CFAP54: variants seen among roughly 807,000 people sequenced by gnomAD.
The protein encoded by CFAP54 is cilia- and flagella-associated protein 54.
Under a neutral mutation model 370.4 loss-of-function variants are expected in CFAP54, and 290 were observed. The observed-to-expected ratio is 0.78, with a 90% confidence interval of 0.71 to 0.86. The LOEUF is 0.86. Among genes scored for constraint, CFAP54 ranks in the 40% least tolerant of loss-of-function variants. The pLI, the probability that CFAP54 is intolerant of heterozygous loss-of-function variation, is 0.00. For missense variants in CFAP54, 3,399 were observed against 3,528.7 expected, an observed-to-expected ratio of 0.96 and a Z score of 0.93; for synonymous variants, 1,206 against 1,236.5, an observed-to-expected ratio of 0.98 and a Z score of 0.52.
At position 96,771,496 on chromosome 12, in the gene CFAP54, C is replaced by CA. The variant is rs1483631987; in HGVS notation, c.8281+6284dup. ...TGAAACCCCGTCTCTACTAAAAATA[C>CA]AAAAAATTAGCCAGGCGCGGTGGTG... On this transcript the variant is annotated intron_variant, in intron 60 of 67. Coordinates refer to ENST00000524981, the MANE Select transcript of CFAP54 (RefSeq NM_001306084.2). Among the ~76,000 whole-genome samples the CA allele has an allele frequency of 3.3e-5, 5 of 152,116 alleles. No homozygotes were observed. In the South Asian group the frequency reaches 8.3e-4, roughly 25 times the overall value.
intron 64 of CFAP54, 78 bp downstream of exon 64, chr12:96,811,920 G>C (rs1958931839): frequency 4.8e-6 from 4 of 838,438 alleles, no homozygotes; most frequent in Non-Finnish European, 7.1e-6. Flanking sequence ...AATTGGCAAG[G>C]TGTAGCATAG....
chr12:96,501,027 C>A, intron 2 of CFAP54, 88 bp downstream of exon 2: 1 of 691,078 alleles, frequency 1.4e-6, no homozygotes, highest in Non-Finnish European at 2.2e-6. Context: ...TCCTATTTTA[C>A]ATGTTTTGAT....
At chr12:96,833,771 T>C (rs900694549) in intron 66 of CFAP54, among the ~76,000 whole-genome samples, 4 of 152,144 alleles carry the variant, frequency 2.6e-5, no homozygotes, top group African/African-American at 9.7e-5. Context: ...ATAATGATAA[T>C]AGTCATGAAA....
chr12:96,616,230 G>C (rs1486834042), intron 26 of CFAP54, among the ~76,000 whole-genome samples: 2 of 152,292 alleles, frequency 1.3e-5, no homozygotes, highest in East Asian at 3.9e-4. Context: ...GATGAAGCTG[G>C]AAACCATCAT....
intron 36 of CFAP54, among the ~76,000 whole-genome samples, chr12:96,652,353 A>G (rs1956870102): frequency 6.6e-6 from 1 of 152,262 alleles, no homozygotes; most frequent in African/African-American, 2.4e-5. Flanking sequence ...GGCTTATAAC[A>G]TTTCTAGAGG....
intron 19 of CFAP54, among the ~76,000 whole-genome samples, chr12:96,574,044 G>T (rs1396430787): frequency 1.3e-5 from 2 of 152,172 alleles, no homozygotes; most frequent in Non-Finnish European, 2.9e-5. Context: ...AAAGAAAAAT[G>T]AGAAGTTAAT....
intron 66 of CFAP54, among the ~76,000 whole-genome samples, chr12:96,836,093 T>A (rs1432125008): frequency 1.3e-5 from 2 of 152,102 alleles, no homozygotes; most frequent in Non-Finnish European, 2.9e-5. Flanking sequence ...TTTTTTTAGG[T>A]CTCTGAATGG....
chr12:96,780,449 G>A (rs1958570139), intron 60 of CFAP54, among the ~76,000 whole-genome samples: 1 of 152,100 alleles, frequency 6.6e-6, no homozygotes, highest in Non-Finnish European at 1.5e-5. Context: ...CAACACTGCA[G>A]TGTTACATCT....
At chr12:96,783,993 T>C (rs1958605420) in intron 60 of CFAP54, among the ~76,000 whole-genome samples, 1 of 152,236 alleles carries the variant, frequency 6.6e-6, no homozygotes, top group Admixed American at 6.5e-5. Context: ...ATAGCTGGGA[T>C]TTGAACTGAG....
chr12:96,774,215 T>C (rs1401657463), intron 60 of CFAP54, among the ~76,000 whole-genome samples: 1 of 152,204 alleles, frequency 6.6e-6, no homozygotes, highest in Non-Finnish European at 1.5e-5. Flanking sequence ...ATTTTAGTTG[T>C]GATATTTGTA....
intron 67 of CFAP54, among the ~76,000 whole-genome samples, chr12:96,874,612 C>CCTTTTTTT (rs1960247988): frequency 2.5e-5 from 1 of 40,058 alleles, no homozygotes; most frequent in African/African-American, 9.6e-5. Context: ...GGGATCTCTG[C>CCTTTTTTT]TTTTTTTTAT....
chr12:96,861,242 G>A (rs1005301381), intron 67 of CFAP54, among the ~76,000 whole-genome samples: 1 of 152,192 alleles, frequency 6.6e-6, no homozygotes, highest in African/African-American at 2.4e-5. Context: ...GGTCCATAAA[G>A]CAAGATTGGA....
chr12:96,648,134 C>CTTT, intron 34 of CFAP54, 117 bp downstream of exon 34: 1 of 679,750 alleles, frequency 1.5e-6, no homozygotes, highest in South Asian at 5.3e-5. Flanking sequence ...TTCCAAAGGA[C>CTTT]CAGCAATTTA....
chr12:96,862,330 G>T lies in CFAP54; in HGVS notation c.*14+1378G>T, dbSNP rs538726868. On this transcript the variant is annotated intron_variant, in intron 67 of 67. Coordinates refer to ENST00000524981, the MANE Select transcript of CFAP54 (RefSeq NM_001306084.2). ...AGGCATAAAAACAAAAATACATATGGTTTATAGTCAAAGGACTTGACTGTG... is the reference window on the plus strand; with the variant it reads ...AGGCATAAAAACAAAAATACATATGTTTTATAGTCAAAGGACTTGACTGTG... Among the ~76,000 whole-genome samples, 13 of 152,260 alleles carry T rather than the reference G, an allele frequency of 8.5e-5. No homozygotes were observed. In the East Asian group the frequency reaches 2.5e-3, roughly 29 times the overall value.
At chr12:96,689,459 C>T (rs1957366318) in intron 43 of CFAP54, among the ~76,000 whole-genome samples, 1 of 152,128 alleles carries the variant, frequency 6.6e-6, no homozygotes, top group Admixed American at 6.6e-5. Flanking sequence ...CCATGCCTGG[C>T]CCACCTTTAA....
intron 67 of CFAP54, among the ~76,000 whole-genome samples, chr12:96,873,551 T>G (rs1031494496): frequency 1.6e-4 from 24 of 152,202 alleles, no homozygotes; most frequent in African/African-American, 5.1e-4. Context: ...GTTTTCCTGT[T>G]GGCAGCAACA....
intron 26 of CFAP54, among the ~76,000 whole-genome samples, chr12:96,618,832 C>CCCAT (rs1956452486): frequency 6.6e-6 from 1 of 152,158 alleles, no homozygotes; most frequent in Admixed American, 6.5e-5. Flanking sequence ...CCCTTCTTCT[C>CCCAT]CCATTTGGGG....
At chr12:96,721,571 T>C (rs1238015241) in intron 50 of CFAP54, among the ~76,000 whole-genome samples, 1 of 152,240 alleles carries the variant, frequency 6.6e-6, no homozygotes, top group Non-Finnish European at 1.5e-5. Context: ...AGTTTCTCCA[T>C]GCCATTTGTG....
intron 66 of CFAP54, among the ~76,000 whole-genome samples, chr12:96,846,143 A>T (rs887244377): frequency 5.3e-5 from 8 of 152,226 alleles, no homozygotes; most frequent in Non-Finnish European, 8.8e-5. Context: ...CATTCCCTGA[A>T]AATAAAGGTA....
Sources: gnomAD v4.1 joint callset for allele counts (sites outside exome capture counted in the v4.1 genomes callset) on GRCh38, gnomAD v4.1.1 for gene constraint, MANE v1.5 for transcripts, NCBI Gene and HGNC (gene_info 2026-07-23, HGNC 2026-07-21) for gene names.